Variants in FAM107B observed in about 807,000 individuals in gnomAD.
FAM107B encodes family with sequence similarity 107 member B.
Under a neutral mutation model 31.5 loss-of-function variants are expected in FAM107B, and 21 were observed. The observed-to-expected ratio is 0.67, with a 90% CI of 0.47 to 0.96. The LOEUF (loss-of-function observed/expected upper bound fraction) is 0.96. FAM107B is among the 40% of genes least tolerant of loss of function. The pLI, the probability that FAM107B is intolerant of heterozygous loss-of-function variation, is 0.00. For synonymous variants in FAM107B, 157 were observed against 141.5 expected (o/e 1.11, Z -0.78); for missense variants, 452 against 377.1 (o/e 1.20, Z -1.64).
chr10:14,735,246 A>G (rs1327372874), intron 1 of FAM107B, among the ~76,000 whole-genome samples: 1 of 152,232 alleles, frequency 6.6e-6, no homozygotes, highest in African/African-American at 2.4e-5. Context: ...AGGCAGCCCA[A>G]CACAAATTCA....
chr10:14,773,226 G>A (rs1833346145), intron 1 of FAM107B, among the ~76,000 whole-genome samples: 1 of 152,186 alleles, frequency 6.6e-6, no homozygotes, highest in Non-Finnish European at 1.5e-5. Context: ...AACCTGCAGG[G>A]TGTCAAATGA....
chr10:14,671,894 A>AC (rs1854564399), intron 1 of FAM107B, among the ~76,000 whole-genome samples: 1 of 146,030 alleles, frequency 6.8e-6, no homozygotes, highest in Non-Finnish European at 1.5e-5. Flanking sequence ...ACAAAAAAAC[A>AC]AAAAAAAAAC....
chr10:14,556,318 A>G (rs1442173919), intron 2 of FAM107B: 2 of 978,134 alleles, frequency 2.0e-6, no homozygotes, highest in African/African-American at 1.8e-5. Context: ...AAAGTCATCA[A>G]TGGTGACTCC....
intron 2 of FAM107B, among the ~76,000 whole-genome samples, chr10:14,622,561 T>C (rs2131404539): frequency 6.6e-6 from 1 of 152,246 alleles, no homozygotes; most frequent in East Asian, 1.9e-4. Context: ...CGCCTTGGCC[T>C]CCCAAAGTGC....
chr10:14,602,239 G>C (rs1158210530), intron 2 of FAM107B, among the ~76,000 whole-genome samples: 2 of 152,114 alleles, frequency 1.3e-5, no homozygotes, highest in African/African-American at 4.8e-5. Flanking sequence ...CGAGTGTCAG[G>C]AACTGCAACA....
intron 3 of FAM107B, chr10:14,529,447 T>C (rs895530228): frequency 6.6e-6 from 1 of 152,156 alleles, no homozygotes; most frequent in Non-Finnish European, 1.5e-5. Context: ...GCCATAAAAA[T>C]GCCCCTTGAT....
chr10:14,723,192 T>A (rs1855953285), intron 1 of FAM107B: 1 of 521,128 alleles, frequency 1.9e-6, no homozygotes, highest in South Asian at 1.4e-5. Context: ...TGGTTGCTCC[T>A]AACCATTCAG....
chr10:14,581,354 G>C (rs113066588), intron 2 of FAM107B, among the ~76,000 whole-genome samples: 1 of 152,234 alleles, frequency 6.6e-6, no homozygotes, highest in Admixed American at 6.5e-5. Flanking sequence ...ATGTGGCTGC[G>C]GTAGGGTGCC....
At chr10:14,646,404 C>T (rs1442973108) in intron 2 of FAM107B, among the ~76,000 whole-genome samples, 2 of 152,166 alleles carry the variant, frequency 1.3e-5, no homozygotes, top group Non-Finnish European at 2.9e-5. Flanking sequence ...GCTTAGCTCC[C>T]ATTTAGGAGT....
At chr10:14,660,043 A>T (rs1854190915) in intron 2 of FAM107B, among the ~76,000 whole-genome samples, 1 of 152,224 alleles carries the variant, frequency 6.6e-6, no homozygotes, top group South Asian at 2.1e-4. Flanking sequence ...GCCAACTCCG[A>T]AAATGTGCTG....
At chr10:14,767,024 G>GTGTATATATATATATATATATATA (rs1219301209) in intron 1 of FAM107B, among the ~76,000 whole-genome samples, 1 of 16,234 alleles carries the variant, frequency 6.2e-5, no homozygotes, top group Non-Finnish European at 2.3e-4. Context: ...TGATGTGTAT[G>GTGTATATATATATATATATATATA]TATATATATA....
At chr10:14,616,320 A>G (rs1852848963) in intron 2 of FAM107B, among the ~76,000 whole-genome samples, 1 of 152,192 alleles carries the variant, frequency 6.6e-6, no homozygotes, top group Non-Finnish European at 1.5e-5. Context: ...AGCTTCAAAA[A>G]CACCACAGAA....
At chr10:14,562,647 C>G (rs1455095934) in intron 2 of FAM107B, among the ~76,000 whole-genome samples, 1 of 152,096 alleles carries the variant, frequency 6.6e-6, no homozygotes, top group Non-Finnish European at 1.5e-5. Flanking sequence ...ACGACAATAC[C>G]ACGTCAGCCA....
chr10:14,772,682 T>C (rs1437004616), intron 1 of FAM107B, among the ~76,000 whole-genome samples: 1 of 152,116 alleles, frequency 6.6e-6, no homozygotes, highest in Non-Finnish European at 1.5e-5. Context: ...TACAATGTCC[T>C]CTCTGCTCCG....
At chr10:14,531,539 G>T (rs568673114) in intron 2 of FAM107B, among the ~76,000 whole-genome samples, 1 of 120,694 alleles carries the variant, frequency 8.3e-6, no homozygotes, top group South Asian at 3.0e-4. Context: ...TAAAAGAAAA[G>T]AAAAAAAAAA....
chr10:14,554,038 CAT>C (rs1849489427), intron 2 of FAM107B: 2 of 917,862 alleles, frequency 2.2e-6, no homozygotes, highest in South Asian at 5.0e-5. Flanking sequence ...GCCTCTGGCC[CAT>C]CCTAAGAGGC....
Position 14,590,318 on chromosome 10 carries a change from T to C in FAM107B, c.470-59803A>G, listed in dbSNP as rs552623117. ...CCATGATTTATATGAAATCAAGTGT[T>C]TGGTCAACAGCACGACTCCTCAGAA... On this transcript the variant is annotated intron_variant, in intron 2 of 4. Transcript: ENST00000181796. Among the ~76,000 whole-genome samples, 8 of 152,340 alleles carry C rather than the reference T, an allele frequency of 5.3e-5. No homozygotes were observed. The South Asian group carries it at 1.2e-3, about 24-fold the overall frequency.
intron 1 of FAM107B, among the ~76,000 whole-genome samples, chr10:14,761,515 T>A (rs1009817992): frequency 1.3e-5 from 2 of 152,188 alleles, no homozygotes; most frequent in Admixed American, 6.5e-5. Context: ...CTGCATAGTA[T>A]TTAGTTTGAG....
At chr10:14,557,509 G>C (rs1418984144) in intron 2 of FAM107B, among the ~76,000 whole-genome samples, 1 of 152,182 alleles carries the variant, frequency 6.6e-6, no homozygotes, top group African/African-American at 2.4e-5. Context: ...ACCAGGTTGG[G>C]TCTGTGCTCT....
Sources: gnomAD v4.1 joint callset for allele counts (sites outside exome capture counted in the v4.1 genomes callset) on GRCh38, gnomAD v4.1.1 for gene constraint, MANE v1.5 for transcripts, NCBI Gene and HGNC (gene_info 2026-07-23, HGNC 2026-07-21) for gene names.